The following ADGRL3 variants were observed in gnomAD, a reference collection of about 807,000 sequenced individuals.
The protein encoded by ADGRL3 is calcium-independent alpha-latrotoxin receptor 3.
A neutral mutation model predicts 153.5 loss-of-function variants in ADGRL3; 62 were observed. The ratio of observed to expected loss-of-function variants is 0.40; its 90% CI spans 0.33 to 0.50. ADGRL3 has a LOEUF of 0.50. Ranked by LOEUF, ADGRL3 falls within the 20% of genes least tolerant of loss-of-function variation. The probability of loss-of-function intolerance (pLI) is 0.47; values close to 1 mark genes in which losing one functional copy is unlikely to be tolerated. For synonymous variants in ADGRL3, 710 were observed against 672.5 expected, an observed-to-expected ratio of 1.06 and a Z score of -0.86; for missense variants, 1,641 against 1,859.4, an observed-to-expected ratio of 0.88 and a Z score of 2.16.
rs201127535 is a variant in ADGRL3 at position 61,921,758 on chromosome 4, AT to A, written c.2112+9006del. Reference sequence around the variant, plus strand: ...GAAGACTATTTTTACTCATATCTATATTTTTATACTGTTTCTTTATAAATCT... The same window carrying A: ...GAAGACTATTTTTACTCATATCTATATTTTATACTGTTTCTTTATAAATCT... On this transcript the variant is annotated intron_variant, in intron 13 of 26. Coordinates refer to ENST00000683033, the MANE Select transcript of ADGRL3 (RefSeq NM_001387552.1). Among the ~76,000 whole-genome samples the A allele has an allele frequency of 6.6e-3, 1,008 of 152,234 alleles. 13 individuals are homozygous for A. The highest frequency in any genetic ancestry group is 0.023 in the African/African-American group (959 of 41,540).
chr4:61,732,683 GA>G, intron 7 of ADGRL3, 70 bp from the exon 8 acceptor site: 1 of 840,878 alleles, frequency 1.2e-6, no homozygotes, highest in Non-Finnish European at 1.7e-6. Context: ...TCCATTTGGT[GA>G]AAAATAAGAC....
chr4:61,286,801 C>T (rs1382087372), intron 1 of ADGRL3, among the ~76,000 whole-genome samples: 1 of 151,608 alleles, frequency 6.6e-6, no homozygotes, highest in African/African-American at 2.4e-5. Context: ...ACCACACACA[C>T]AATTTCTAAT....
intron 2 of ADGRL3, among the ~76,000 whole-genome samples, chr4:61,406,977 T>G (rs2097008206): frequency 6.6e-6 from 1 of 152,036 alleles, no homozygotes; most frequent in Admixed American, 6.6e-5. Context: ...AGGTTAGAAA[T>G]AACAAAATAA....
chr4:61,759,765 A>C (rs915321124), intron 8 of ADGRL3, among the ~76,000 whole-genome samples: 2 of 152,112 alleles, frequency 1.3e-5, no homozygotes, highest in African/African-American at 4.8e-5. Flanking sequence ...TAGAGTTTCC[A>C]GTTTTTCTAC....
At chr4:61,436,029 A>C (rs2097441801) in intron 2 of ADGRL3, among the ~76,000 whole-genome samples, 1 of 152,210 alleles carries the variant, frequency 6.6e-6, no homozygotes, top group Admixed American at 6.5e-5. Flanking sequence ...ATTCAAATTA[A>C]AAACCTTTTG....
intron 17 of ADGRL3, among the ~76,000 whole-genome samples, chr4:61,954,102 C>T (rs771593631): frequency 2.0e-5 from 3 of 152,124 alleles, no homozygotes; most frequent in African/African-American, 7.2e-5. Context: ...ACTCAGATTG[C>T]ACCAGTGGCT....
chr4:61,882,071 T>G (rs2149488924), intron 9 of ADGRL3, among the ~76,000 whole-genome samples: 1 of 152,340 alleles, frequency 6.6e-6, no homozygotes, highest in East Asian at 1.9e-4. Flanking sequence ...TTCCATTAGT[T>G]AAAACTTCTA....
At chr4:61,976,762 G>A (rs1226601965) in intron 17 of ADGRL3, among the ~76,000 whole-genome samples, 2 of 152,282 alleles carry the variant, frequency 1.3e-5, no homozygotes, top group African/African-American at 2.4e-5. Context: ...CTTCTGCCAT[G>A]ATTGTGAAGC....
At chr4:61,962,843 A>G (rs913239739) in intron 17 of ADGRL3, among the ~76,000 whole-genome samples, 5 of 152,162 alleles carry the variant, frequency 3.3e-5, no homozygotes, top group Admixed American at 1.3e-4. Flanking sequence ...AATGTGCTCA[A>G]TCCATCCTTT....
intron 1 of ADGRL3, among the ~76,000 whole-genome samples, chr4:61,233,704 CGTGTGT>C (rs1010703605): frequency 1.3e-5 from 2 of 151,358 alleles, no homozygotes; most frequent in African/African-American, 4.9e-5. Flanking sequence ...GTGTGTAGTG[CGTGTGT>C]GTGTGTTCTA....
intron 1 of ADGRL3, among the ~76,000 whole-genome samples, chr4:61,323,689 T>C (rs1336320321): frequency 3.3e-5 from 5 of 152,196 alleles, no homozygotes; most frequent in Non-Finnish European, 5.9e-5. Flanking sequence ...TGGACCTTAT[T>C]GCTTATATCA....
At chr4:62,064,061 G>A (rs1741646817) in intron 25 of ADGRL3, among the ~76,000 whole-genome samples, 1 of 152,012 alleles carries the variant, frequency 6.6e-6, no homozygotes, top group African/African-American at 2.4e-5. Context: ...ATACCATAAA[G>A]TACACTCTGA....
chr4:61,918,291 G>C (rs1229668542), intron 13 of ADGRL3, among the ~76,000 whole-genome samples: 1 of 152,180 alleles, frequency 6.6e-6, no homozygotes, highest in East Asian at 1.9e-4. Context: ...CAACCAATTT[G>C]GGAGGGGCAG....
chr4:61,880,074 TAGAA>T (rs202147214), intron 9 of ADGRL3, among the ~76,000 whole-genome samples: 1,915 of 152,050 alleles, frequency 0.013, 18 homozygotes, highest in Non-Finnish European at 0.02. Flanking sequence ...GCCATAACAG[TAGAA>T]AGAAAATAAA....
chr4:61,390,637 C>T (rs2096791584), intron 2 of ADGRL3, among the ~76,000 whole-genome samples: 1 of 152,162 alleles, frequency 6.6e-6, no homozygotes, highest in Non-Finnish European at 1.5e-5. Flanking sequence ...TAGATACACC[C>T]ATGCAACCAC....
intron 22 of ADGRL3, among the ~76,000 whole-genome samples, chr4:62,030,777 C>T (rs903712190): frequency 6.6e-6 from 1 of 151,440 alleles, no homozygotes; most frequent in Non-Finnish European, 1.5e-5. Flanking sequence ...AAATCTACTA[C>T]AGCATACCAT....
intron 2 of ADGRL3, among the ~76,000 whole-genome samples, chr4:61,494,226 A>G (rs776003271): frequency 9.9e-5 from 15 of 151,992 alleles, no homozygotes; most frequent in Non-Finnish European, 1.8e-4. Flanking sequence ...GCAGCTCATA[A>G]TTTCTTCCAG....
intron 6 of ADGRL3, among the ~76,000 whole-genome samples, chr4:61,709,942 T>C (rs1174775061): frequency 6.6e-6 from 1 of 152,204 alleles, no homozygotes; most frequent in African/African-American, 2.4e-5. Context: ...ACTTTTACCA[T>C]GATATAGCCA....
At chr4:61,370,537 G>GT (rs1185654819) in intron 1 of ADGRL3, among the ~76,000 whole-genome samples, 1 of 152,168 alleles carries the variant, frequency 6.6e-6, no homozygotes, top group African/African-American at 2.4e-5. Context: ...TAGTTGAGTG[G>GT]TTTTGAGTGA....
Sources: gnomAD v4.1 joint callset for allele counts (sites outside exome capture counted in the v4.1 genomes callset) on GRCh38, gnomAD v4.1.1 for gene constraint, MANE v1.5 for transcripts, NCBI Gene and HGNC (gene_info 2026-07-23, HGNC 2026-07-21) for gene names.